The following XKR9 variants were observed in gnomAD, a reference collection of about 807,000 sequenced individuals.
XKR9 encodes the protein XK related 9, also known as XK-related protein 9.
In XKR9, 32 loss-of-function variants were observed where a neutral mutation model predicts 32.0. The observed-to-expected ratio is 1.00, with a 90% confidence interval of 0.76 to 1.34. XKR9 has a LOEUF of 1.34. Among genes scored for constraint, XKR9 ranks in the 40% most tolerant of loss-of-function variants. The pLI, the probability that XKR9 is intolerant of heterozygous loss-of-function variation, is 0.00. For synonymous variants in XKR9, 168 were observed against 143.4 expected (o/e 1.17, Z -1.22); for missense variants, 546 against 429.7 (o/e 1.27, Z -2.39).
intron 3 of XKR9, among the ~76,000 whole-genome samples, chr8:70,699,937 C>T (rs1483262173): frequency 6.6e-6 from 1 of 152,166 alleles, no homozygotes; most frequent in Non-Finnish European, 1.5e-5. Flanking sequence ...TTCATTTCAT[C>T]TTCCATCACT....
At chr8:71,063,839 C>A in the XKR9 span, among the ~76,000 whole-genome samples, 4 of 152,222 alleles carry the variant, frequency 2.6e-5, no homozygotes, top group Admixed American at 6.5e-5. Context: ...AAGTTGTTTT[C>A]AATTCTAAAA....
At chr8:70,929,089 A>T in the XKR9 span, among the ~76,000 whole-genome samples, 1 of 152,180 alleles carries the variant, frequency 6.6e-6, no homozygotes, top group Non-Finnish European at 1.5e-5. Context: ...CCATAAATGC[A>T]ACACAATAAG....
In XKR9 at chr8:70,675,746, A is replaced by G. The variant is rs921048893; in HGVS notation, c.-279+847A>G. Among the ~76,000 whole-genome samples, 8 of 152,314 alleles carry G rather than the reference A, an allele frequency of 5.3e-5. No homozygotes were observed. In the East Asian group the frequency reaches 5.8e-4, roughly 11 times the overall value. On this transcript the variant is annotated intron_variant, in intron 2 of 4. Transcript: ENST00000408926. ...TGGGTGATCTTTGCTCCACTTCTGA[A>G]TAAGTTACTCATTTCCATCTGAGAC...
At chr8:70,745,131 A>G (rs1245360610) in intron 2 of XKR9, among the ~76,000 whole-genome samples, 1 of 135,866 alleles carries the variant, frequency 7.4e-6, no homozygotes, top group Admixed American at 7.2e-5. Context: ...ATTCCATCCA[A>G]CAAACATTTT....
At chr8:70,983,696 G>A in the XKR9 span, among the ~76,000 whole-genome samples, 35 of 152,118 alleles carry the variant, frequency 2.3e-4, no homozygotes, top group African/African-American at 6.5e-4. Flanking sequence ...CAGGAGAATC[G>A]CTTGAACCCG....
the XKR9 span, among the ~76,000 whole-genome samples, chr8:70,859,652 G>A: frequency 6.6e-6 from 1 of 152,062 alleles, no homozygotes; most frequent in Non-Finnish European, 1.5e-5. Context: ...AATACTAGTT[G>A]GTCATAACAA....
chr8:70,807,306 A>G, the XKR9 span, among the ~76,000 whole-genome samples: 1 of 152,226 alleles, frequency 6.6e-6, no homozygotes, highest in Admixed American at 6.5e-5. Flanking sequence ...GCCACTGCAA[A>G]AACACACCAA....
the XKR9 span, among the ~76,000 whole-genome samples, chr8:70,970,412 G>C: frequency 6.6e-6 from 1 of 152,006 alleles, no homozygotes; most frequent in African/African-American, 2.4e-5. Flanking sequence ...GTGGTTTGCT[G>C]TACCCATCAA....
chr8:70,957,339 G>A, the XKR9 span, among the ~76,000 whole-genome samples: 3 of 152,122 alleles, frequency 2.0e-5, no homozygotes, highest in African/African-American at 7.2e-5. Context: ...CTACTAGAAA[G>A]AGCATGAACT....
chr8:70,916,076 C>T, the XKR9 span, among the ~76,000 whole-genome samples: 2 of 152,094 alleles, frequency 1.3e-5, no homozygotes, highest in African/African-American at 4.8e-5. Flanking sequence ...TCTGCCAGAG[C>T]CCAGAGAAAC....
the XKR9 span, among the ~76,000 whole-genome samples, chr8:70,918,561 G>GT: frequency 6.6e-6 from 1 of 151,898 alleles, no homozygotes; most frequent in South Asian, 2.1e-4. Context: ...TCCTGTAAAG[G>GT]TAACAGTATT....
intron 3 of XKR9, among the ~76,000 whole-genome samples, chr8:70,690,550 T>C (rs981637072): frequency 3.3e-5 from 5 of 150,938 alleles, no homozygotes; most frequent in African/African-American, 1.2e-4. Flanking sequence ...GGTCTCACCA[T>C]GTTGCCCAGG....
intron 4 of XKR9, among the ~76,000 whole-genome samples, chr8:70,731,107 C>T (rs2198916): frequency 0.073 from 11,042 of 152,200 alleles, 472 homozygotes; most frequent in Non-Finnish European, 0.089. Flanking sequence ...ATCATTGTAT[C>T]CTGTGATACC....
At chr8:70,988,614 C>A in the XKR9 span, among the ~76,000 whole-genome samples, 1 of 152,104 alleles carries the variant, frequency 6.6e-6, no homozygotes, top group South Asian at 2.1e-4. Context: ...AGCCTCAGTG[C>A]CTATTTTGTT....
the XKR9 span, among the ~76,000 whole-genome samples, chr8:70,971,838 A>G: frequency 3.3e-5 from 5 of 152,138 alleles, no homozygotes; most frequent in African/African-American, 1.2e-4. Flanking sequence ...TTTTCATACC[A>G]GTACCATGCT....
intron 2 of XKR9, among the ~76,000 whole-genome samples, chr8:70,745,574 G>C (rs1563465659): frequency 6.6e-6 from 1 of 152,164 alleles, no homozygotes; most frequent in Non-Finnish European, 1.5e-5. Context: ...GGTAGGGCTT[G>C]AAATTTGCGT....
intron 4 of XKR9, among the ~76,000 whole-genome samples, chr8:70,723,941 AGTGGCG>A (rs1195963833): frequency 6.8e-6 from 1 of 147,426 alleles, no homozygotes; most frequent in African/African-American, 2.5e-5. Context: ...GCGGGAGTGC[AGTGGCG>A]GTGGGAACGT....
In XKR9 at chr8:70,735,656, TC is replaced by T. The variant is rs990139070; in HGVS notation, c.*1234del. ...AGTCCCCAGAGTGTGATGATCCCCT[TC>T]CTGTGTCCATGTGTTCTCATTGTTC... On this transcript the variant is annotated 3_prime_UTR_variant, in exon 5 of 5. Transcript: ENST00000408926. 5 of 130,078 alleles carry T rather than the reference TC, an allele frequency of 3.8e-5. No individual in the cohort carries two copies. Among genetic ancestry groups the T allele is most frequent in the African/African-American group, 1.5e-4 (5 of 34,284 alleles). The allele number at this position is 130,078 out of a possible 1,614,324, so 8.1% of individuals were successfully genotyped here. A position where few individuals can be genotyped will look rare whatever the true frequency, so the allele number is the denominator to read the frequency against.
chr8:71,000,538 A>G, the XKR9 span, among the ~76,000 whole-genome samples: 2 of 152,164 alleles, frequency 1.3e-5, no homozygotes, highest in African/African-American at 4.8e-5. Flanking sequence ...AAAAAACAAA[A>G]AGACTGGATT....
Sources: gnomAD v4.1 joint callset for allele counts (sites outside exome capture counted in the v4.1 genomes callset) on GRCh38, gnomAD v4.1.1 for gene constraint, MANE v1.5 for transcripts, NCBI Gene and HGNC (gene_info 2026-07-23, HGNC 2026-07-21) for gene names.